Variants in SOBP observed in about 807,000 individuals in gnomAD.
SOBP encodes sine oculis-binding protein homolog.
In SOBP, 4 loss-of-function variants were observed where a neutral mutation model predicts 53.6. The observed-to-expected ratio is 0.07, with a 90% CI of 0.04 to 0.17. The LOEUF (loss-of-function observed/expected upper bound fraction) is 0.17, where lower values mean the gene tolerates loss of function less well. Ranked by LOEUF, SOBP falls within the 10% of genes least tolerant of loss-of-function variation. SOBP has a pLI of 1.00. For missense variants in SOBP, 1,088 were observed against 1,204.7 expected (o/e 0.90, Z 1.43); for synonymous variants, 584 against 522.6 (o/e 1.12, Z -1.60).
At chr6:107,648,863 T>C (rs1489388157) in intron 6 of SOBP, among the ~76,000 whole-genome samples, 1 of 152,112 alleles carries the variant, frequency 6.6e-6, no homozygotes, top group Non-Finnish European at 1.5e-5. Context: ...AATAAGTATA[T>C]AAAAATGCCT....
At chr6:107,548,053 T>C (rs992862790) in intron 4 of SOBP, among the ~76,000 whole-genome samples, 1 of 152,130 alleles carries the variant, frequency 6.6e-6, no homozygotes, top group Non-Finnish European at 1.5e-5. Flanking sequence ...AGTGGTACCA[T>C]TGAGAGTTCA....
intron 4 of SOBP, among the ~76,000 whole-genome samples, chr6:107,583,465 GAAAC>G (rs1245692271): frequency 3.9e-5 from 6 of 152,310 alleles, no homozygotes; most frequent in African/African-American, 1.4e-4. Context: ...CAGAAACTAA[GAAAC>G]AAACAAACAA....
intron 6 of SOBP, among the ~76,000 whole-genome samples, chr6:107,655,171 C>T (rs539259273): frequency 6.6e-6 from 1 of 152,144 alleles, no homozygotes; most frequent in South Asian, 2.1e-4. Context: ...CAAAACAGAA[C>T]CAGCTCCAGA....
At chr6:107,609,284 CCTTA>C (rs1786505361) in intron 5 of SOBP, among the ~76,000 whole-genome samples, 3 of 152,098 alleles carry the variant, frequency 2.0e-5, no homozygotes, top group African/African-American at 7.2e-5. Flanking sequence ...TATTTTCTTC[CCTTA>C]CTTCAGTGAA....
chr6:107,503,867 C>T, intron 2 of SOBP, 72 bp downstream of exon 2: 2 of 1,574,256 alleles, frequency 1.3e-6, no homozygotes, highest in East Asian at 2.2e-5. Flanking sequence ...AATTGAGTTG[C>T]TTTGGGACTC....
chr6:107,612,188 A>G (rs1031261057), intron 5 of SOBP, among the ~76,000 whole-genome samples: 1 of 152,198 alleles, frequency 6.6e-6, no homozygotes, highest in Non-Finnish European at 1.5e-5. Context: ...CTGCTTGAGT[A>G]GGCGTTAATT....
chr6:107,613,938 A>C (rs1285109725), intron 5 of SOBP, among the ~76,000 whole-genome samples: 1 of 152,220 alleles, frequency 6.6e-6, no homozygotes, highest in East Asian at 1.9e-4. Context: ...AGGCCTTTTC[A>C]ACAATCACAA....
intron 3 of SOBP, chr6:107,511,453 T>TGA (rs898877702): frequency 8.5e-5 from 13 of 152,248 alleles, no homozygotes; most frequent in African/African-American, 3.1e-4. Context: ...TTACAGTTCT[T>TGA]GCCGTCATGA....
intron 5 of SOBP, among the ~76,000 whole-genome samples, chr6:107,598,505 C>T (rs1009483264): frequency 7.2e-5 from 11 of 152,090 alleles, no homozygotes; most frequent in African/African-American, 1.2e-4. Flanking sequence ...CCTGTGCTAG[C>T]GTCATTCTGT....
intron 3 of SOBP, among the ~76,000 whole-genome samples, chr6:107,506,732 G>T (rs887885585): frequency 6.6e-6 from 1 of 151,888 alleles, no homozygotes. Context: ...AAGATAAAAT[G>T]GTTTTTAAAA....
chr6:107,580,702 C>T (rs963130318), intron 4 of SOBP, among the ~76,000 whole-genome samples: 3 of 152,058 alleles, frequency 2.0e-5, no homozygotes, highest in East Asian at 3.8e-4. Flanking sequence ...TCAACAGGGA[C>T]GTGGAGGAGA....
chr6:107,560,784 G>A (rs1374051268), intron 4 of SOBP, among the ~76,000 whole-genome samples: 2 of 152,080 alleles, frequency 1.3e-5, no homozygotes. Context: ...CCACCAGACT[G>A]TGGAGGTGGG....
chr6:107,613,352 T>G (rs140495007), intron 5 of SOBP, among the ~76,000 whole-genome samples: 6 of 152,354 alleles, frequency 3.9e-5, no homozygotes, highest in African/African-American at 9.6e-5. Context: ...TCTTTGACCT[T>G]GTTTCAAGGT....
intron 6 of SOBP, among the ~76,000 whole-genome samples, chr6:107,649,761 G>A (rs1309678454): frequency 6.6e-6 from 1 of 152,048 alleles, no homozygotes; most frequent in Non-Finnish European, 1.5e-5. Context: ...CCAGAGACCT[G>A]GTCATTTGGT....
At chr6:107,551,774 A>G (rs1583202904) in intron 4 of SOBP, among the ~76,000 whole-genome samples, 2 of 152,146 alleles carry the variant, frequency 1.3e-5, no homozygotes, top group South Asian at 4.1e-4. Context: ...TAATCCCAGC[A>G]CTTTGGGAGG....
At chr6:107,507,022 C>G (rs1269310990) in intron 3 of SOBP, among the ~76,000 whole-genome samples, 2 of 150,304 alleles carry the variant, frequency 1.3e-5, no homozygotes, top group East Asian at 2.0e-4. Flanking sequence ...GCCGAGATCA[C>G]GCCACTGCAC....
intron 1 of SOBP, among the ~76,000 whole-genome samples, chr6:107,495,845 A>T (rs960248231): frequency 2.0e-5 from 3 of 152,118 alleles, no homozygotes; most frequent in Non-Finnish European, 2.9e-5. Context: ...CAAAATTATT[A>T]CAAGTAGTAG....
At chr6:107,603,542 G>A (rs917990287) in intron 5 of SOBP, among the ~76,000 whole-genome samples, 2 of 152,166 alleles carry the variant, frequency 1.3e-5, no homozygotes, top group Non-Finnish European at 2.9e-5. Context: ...ATGAACTGAT[G>A]TTTACAGACA....
chr6:107,625,125 T>C (rs1770399520), intron 5 of SOBP, among the ~76,000 whole-genome samples: 1 of 152,232 alleles, frequency 6.6e-6, no homozygotes, highest in South Asian at 2.1e-4. Flanking sequence ...TGTAGCATGC[T>C]CAGCATGGGT....
Sources: allele counts gnomAD v4.1 joint callset (sites outside exome capture counted in the v4.1 genomes callset), GRCh38; gene constraint gnomAD v4.1.1; transcripts MANE v1.5; gene names NCBI Gene and HGNC (gene_info 2026-07-23, HGNC 2026-07-21).